Variants in RBFOX1 observed in about 807,000 individuals in gnomAD.
RBFOX1 encodes RNA binding fox-1 homolog 1.
Under a neutral mutation model 57.7 loss-of-function variants are expected in RBFOX1, and 8 were observed. That is an observed-to-expected ratio of 0.14 (90% confidence interval 0.08 to 0.25). The LOEUF (loss-of-function observed/expected upper bound fraction) is 0.25. Among genes scored for constraint, RBFOX1 ranks in the 10% least tolerant of loss-of-function variants. The pLI is 1.00. For missense variants in RBFOX1, 611 were observed against 548.5 expected (o/e 1.11, Z -1.14); for synonymous variants, 326 against 222.4 (o/e 1.47, Z -4.15).
intron 1 of RBFOX1, among the ~76,000 whole-genome samples, chr16:6,261,881 C>T (rs544489724): frequency 7.1e-6 from 1 of 141,612 alleles, no homozygotes; most frequent in African/African-American, 2.8e-5. Flanking sequence ...CAAAAAAAAC[C>T]TAGCTGGGCA....
intron 1 of RBFOX1, among the ~76,000 whole-genome samples, chr16:5,348,509 C>T (rs968336992): frequency 1.3e-5 from 2 of 152,234 alleles, no homozygotes; most frequent in East Asian, 3.9e-4. Flanking sequence ...TAGCAGCTTG[C>T]CCAGGAATAC....
At chr16:7,003,374 C>G (rs1021973455) in intron 3 of RBFOX1, among the ~76,000 whole-genome samples, 1 of 151,518 alleles carries the variant, frequency 6.6e-6, no homozygotes, top group Non-Finnish European at 1.5e-5. Flanking sequence ...GCAAGAGAAT[C>G]ACTTAGACCT....
intron 1 of RBFOX1, among the ~76,000 whole-genome samples, chr16:5,283,960 C>T (rs1044757014): frequency 5.3e-5 from 8 of 152,062 alleles, no homozygotes; most frequent in African/African-American, 1.9e-4. Context: ...GTGTCCCCAC[C>T]CAAATCTCAT....
chr16:6,448,685 A>C (rs191188093), intron 2 of RBFOX1, among the ~76,000 whole-genome samples: 67 of 152,314 alleles, frequency 4.4e-4, no homozygotes, highest in Middle Eastern at 6.8e-3. Context: ...CTGTCTACTC[A>C]TGAGACTGTC....
At chr16:5,544,951 C>CTTTTGTTTTTTTTTTTTTTTTTTTT (rs2045124338) in intron 2 of RBFOX1, among the ~76,000 whole-genome samples, 1 of 124,362 alleles carries the variant, frequency 8.0e-6, no homozygotes, top group African/African-American at 3.5e-5. Flanking sequence ...CTATTACATT[C>CTTTTGTTTTTTTTTTTTTTTTTTTT]TTTTTTTTTT....
chr16:5,296,391 T>G (rs2063668933), intron 1 of RBFOX1, among the ~76,000 whole-genome samples: 1 of 152,104 alleles, frequency 6.6e-6, no homozygotes, highest in Admixed American at 6.6e-5. Context: ...TGCATTCAAA[T>G]TTCCCACTTG....
At chr16:6,645,974 T>G (rs963948608) in intron 2 of RBFOX1, among the ~76,000 whole-genome samples, 3 of 152,130 alleles carry the variant, frequency 2.0e-5, no homozygotes, top group African/African-American at 7.2e-5. Flanking sequence ...TGGAATCCCA[T>G]CTGTCGCCAG....
At chr16:6,849,844 G>C (rs561183972) in intron 3 of RBFOX1, among the ~76,000 whole-genome samples, 11 of 151,976 alleles carry the variant, frequency 7.2e-5, no homozygotes, top group Non-Finnish European at 1.3e-4. Context: ...TGTCCGTTGT[G>C]CCTTATTTTT....
intron 2 of RBFOX1, among the ~76,000 whole-genome samples, chr16:6,612,200 G>A (rs928901824): frequency 1.3e-5 from 2 of 151,984 alleles, no homozygotes; most frequent in Admixed American, 6.6e-5. Context: ...TAGACTCAGG[G>A]TAAGTTTAGC....
chr16:6,329,886 C>T (rs536437926), intron 2 of RBFOX1, among the ~76,000 whole-genome samples: 5 of 152,164 alleles, frequency 3.3e-5, no homozygotes, highest in African/African-American at 9.6e-5. Context: ...TGCAGTGAGC[C>T]CAGATCACAT....
At chr16:6,160,594 T>G (rs2096871017) in intron 1 of RBFOX1, among the ~76,000 whole-genome samples, 1 of 152,170 alleles carries the variant, frequency 6.6e-6, no homozygotes, top group Non-Finnish European at 1.5e-5. Flanking sequence ...GAGTCATGCT[T>G]TAAATGCACG....
chr16:6,371,926 C>A (rs994020986), intron 2 of RBFOX1, among the ~76,000 whole-genome samples: 2 of 152,154 alleles, frequency 1.3e-5, no homozygotes, highest in African/African-American at 4.8e-5. Flanking sequence ...CTGTGAGACC[C>A]TTCAGAAGAG....
At chr16:7,052,828 A>G (rs1288350452) in intron 4 of RBFOX1, among the ~76,000 whole-genome samples, 2 of 152,158 alleles carry the variant, frequency 1.3e-5, no homozygotes, top group East Asian at 3.9e-4. Context: ...TTCTAAATGA[A>G]TTCGTGTTTT....
intron 2 of RBFOX1, among the ~76,000 whole-genome samples, chr16:6,598,014 C>T (rs1207073436): frequency 6.6e-6 from 1 of 152,154 alleles, no homozygotes; most frequent in South Asian, 2.1e-4. Flanking sequence ...TTCTGGAATT[C>T]TTATTTAAGA....
At chr16:5,680,073 T>G (rs2050285124) in intron 3 of RBFOX1, among the ~76,000 whole-genome samples, 1 of 152,206 alleles carries the variant, frequency 6.6e-6, no homozygotes, top group Non-Finnish European at 1.5e-5. Flanking sequence ...ATTGATTTAA[T>G]GGACAGAAGT....
In RBFOX1 at chr16:7,142,014, C is replaced by CCTCCTTCTTCTTCCTTCTTCCTTCTTT. The variant is rs1555506488; in HGVS notation, c.27+89918_27+89919insCCTTCTTCTTCCTTCTTCCTTCTTTCT. ...CTCCTTCTTCTTCCTCCTTCTTCTT[C>CCTCCTTCTTCTTCCTTCTTCCTTCTTT]CTTCTTCCTTCTTTCTTCTTTTTAT... On this transcript the variant is annotated intron_variant, in intron 4 of 15. Transcript: ENST00000550418. 1.7e-4 allele frequency among the ~76,000 whole-genome samples: 25 copies of CCTCCTTCTTCTTCCTTCTTCCTTCTTT among 149,640 alleles called. No individual in the cohort carries two copies. The South Asian group carries it at 5.4e-3, about 32-fold the overall frequency.
intron 4 of RBFOX1, among the ~76,000 whole-genome samples, chr16:7,100,432 A>G (rs938636744): frequency 3.3e-5 from 5 of 152,144 alleles, no homozygotes; most frequent in Admixed American, 2.0e-4. Flanking sequence ...AAATATCAGT[A>G]TATTTGAATT....
rs571726160 is a variant in RBFOX1 at position 5,771,280 on chromosome 16, G to A, written c.319-96023G>A. On this transcript the variant is annotated intron_variant, in intron 3 of 19. Transcript: ENST00000641259. ...TAAGGTTGTGAGAAGCTCTGACCTG[G>A]AGGGACTCTCCTTCTGAGGAGGGAG... is the stretch of plus-strand genomic sequence containing the variant. 3.9e-5 allele frequency among the ~76,000 whole-genome samples: 6 copies of A among 152,358 alleles called. No individual in the cohort carries two copies. In the East Asian group the frequency reaches 5.8e-4, roughly 15 times the overall value.
intron 4 of RBFOX1, among the ~76,000 whole-genome samples, chr16:7,207,734 C>T (rs890284661): frequency 4.6e-5 from 7 of 152,202 alleles, no homozygotes; most frequent in Admixed American, 2.0e-4. Context: ...AAGGCAGTTG[C>T]CTCCAACACA....
Sources: allele counts gnomAD v4.1 joint callset (sites outside exome capture counted in the v4.1 genomes callset), GRCh38; gene constraint gnomAD v4.1.1; transcripts MANE v1.5; gene names NCBI Gene and HGNC (gene_info 2026-07-23, HGNC 2026-07-21).